PRKG2: variants seen among roughly 807,000 people sequenced by gnomAD.
PRKG2 encodes the protein cGMP-dependent protein kinase 2.
In PRKG2, 33 loss-of-function variants were observed where a neutral mutation model predicts 97.2. The ratio of observed to expected loss-of-function variants is 0.34; its 90% confidence interval spans 0.26 to 0.45. The LOEUF (loss-of-function observed/expected upper bound fraction) is 0.45, where lower values mean the gene tolerates loss of function less well. PRKG2 is among the 20% of genes least tolerant of loss of function. The probability of loss-of-function intolerance (pLI) is 1.00; values close to 1 mark genes in which losing one functional copy is unlikely to be tolerated. For missense variants in PRKG2, 638 were observed against 900.0 expected (o/e 0.71, Z 3.73); for synonymous variants, 330 against 321.8 (o/e 1.03, Z -0.27).
chr4:81,159,418 C>T (rs1402835477), intron 6 of PRKG2, among the ~76,000 whole-genome samples: 2 of 152,180 alleles, frequency 1.3e-5, no homozygotes, highest in African/African-American at 4.8e-5. Context: ...GATACCATTT[C>T]ACACCAGTTA....
chr4:81,154,593 G>T (rs1748816682), intron 6 of PRKG2, among the ~76,000 whole-genome samples: 1 of 147,660 alleles, frequency 6.8e-6, no homozygotes, highest in Admixed American at 6.6e-5. Flanking sequence ...AAACAGAAAG[G>T]ACATCCACAG....
At chr4:81,094,063 G>A (rs1741874392) in intron 17 of PRKG2, among the ~76,000 whole-genome samples, 1 of 152,134 alleles carries the variant, frequency 6.6e-6, no homozygotes, top group Admixed American at 6.6e-5. Flanking sequence ...ATATCTGCAA[G>A]GTGCAGTAAG....
intron 2 of PRKG2, chr4:81,176,123 G>A (rs930267247): frequency 5.9e-5 from 9 of 152,024 alleles, no homozygotes; most frequent in Non-Finnish European, 2.9e-5. Flanking sequence ...ATGAAGTCTT[G>A]TACAAAGAAA....
intron 2 of PRKG2, among the ~76,000 whole-genome samples, chr4:81,191,236 C>T (rs28508156): frequency 0.23 from 34,747 of 152,018 alleles, 7,872 homozygotes; most frequent in African/African-American, 0.58. Flanking sequence ...ATATACACCA[C>T]GGAATACTAT....
At chr4:81,125,395 T>C (rs1041725047) in intron 14 of PRKG2, among the ~76,000 whole-genome samples, 6 of 152,214 alleles carry the variant, frequency 3.9e-5, no homozygotes, top group Admixed American at 3.3e-4. Flanking sequence ...ATGCAGAAGA[T>C]ACTCTTCTGT....
intron 14 of PRKG2, among the ~76,000 whole-genome samples, chr4:81,129,984 C>A (rs1002130051): frequency 1.3e-5 from 2 of 152,072 alleles, no homozygotes; most frequent in Non-Finnish European, 2.9e-5. Flanking sequence ...TTTTCCTTCC[C>A]ATATTTAGTG....
chr4:81,100,899 G>A (rs1485590356), intron 17 of PRKG2, among the ~76,000 whole-genome samples: 1 of 152,142 alleles, frequency 6.6e-6, no homozygotes, highest in African/African-American at 2.4e-5. Context: ...TCAACAAGTG[G>A]GCGAAGGATA....
At chr4:81,185,504 T>C (rs893206793) in intron 2 of PRKG2, among the ~76,000 whole-genome samples, 1 of 152,144 alleles carries the variant, frequency 6.6e-6, no homozygotes. Context: ...GAGAAACCAG[T>C]ACCAGCCACT....
chr4:81,111,939 T>C (rs963613355), intron 14 of PRKG2, among the ~76,000 whole-genome samples: 8 of 152,188 alleles, frequency 5.3e-5, no homozygotes, highest in African/African-American at 1.9e-4. Context: ...TCACATAGCC[T>C]TTCTCAATAA....
At chr4:81,183,477 CA>C (rs1751599219) in intron 2 of PRKG2, among the ~76,000 whole-genome samples, 4 of 152,176 alleles carry the variant, frequency 2.6e-5, no homozygotes, top group Admixed American at 2.6e-4. Context: ...ACGCTTTTCC[CA>C]TGGTCTTCAC....
At chr4:81,104,663 A>G (rs1743151661) in intron 16 of PRKG2, among the ~76,000 whole-genome samples, 1 of 151,208 alleles carries the variant, frequency 6.6e-6, no homozygotes, top group Non-Finnish European at 1.5e-5. Flanking sequence ...TTCGGAGTGT[A>G]TATATATATA....
At chr4:81,158,624 G>C (rs901023368) in intron 6 of PRKG2, among the ~76,000 whole-genome samples, 9 of 151,972 alleles carry the variant, frequency 5.9e-5, no homozygotes, top group Non-Finnish European at 1.3e-4. Flanking sequence ...AACCAAAAAA[G>C]AGCCCGCATC....
chr4:81,152,089 C>A (rs1324578905), intron 7 of PRKG2, 35 bp from the exon 8 acceptor site: 2 of 1,508,042 alleles, frequency 1.3e-6, no homozygotes, highest in Admixed American at 1.9e-5. Flanking sequence ...CAGAAAGAGA[C>A]TGAAGAAAAA....
chr4:81,146,035 C>T (rs766389527), intron 9 of PRKG2, among the ~76,000 whole-genome samples: 120 of 152,130 alleles, frequency 7.9e-4, no homozygotes, highest in Non-Finnish European at 1.6e-3. Flanking sequence ...TATGGACTGA[C>T]CTTTGTCGAC....
Position 81,167,219 on chromosome 4 carries a change from G to A in PRKG2, c.854C>T (p.Ser285Phe), listed in dbSNP as rs1328348075. ...EQYRNFLRSVSLLKNLPEDKL... is the reference protein window; with the variant it reads ...EQYRNFLRSVFLLKNLPEDKL... ...ATCTTCAGGTAAATTCTTCAGCAAG[G>A]ATACACTTCAAAATTAAAAAGAAAC... Residue 285 changes from serine to phenylalanine, a missense_variant, in exon 6 of 19, where the codon TCC (serine) becomes TTC (phenylalanine). Ser to Phe is a radical substitution (Grantham distance 155). Around this residue, in one of 3 missense-constraint regions of PRKG2, gnomAD observed 332 missense variants for 421.7 expected, o/e 0.79. Coordinates refer to ENST00000264399, the MANE Select transcript of PRKG2 (RefSeq NM_006259.3). 2.5e-6 allele frequency: 4 copies of A among 1,585,134 alleles called. No individual in the cohort carries two copies. The South Asian group carries it at 3.5e-5, about 14-fold the overall frequency.
chr4:81,092,357 AT>A, intron 18 of PRKG2, 28 bp downstream of exon 18: 1 of 1,447,290 alleles, frequency 6.9e-7, no homozygotes, highest in Non-Finnish European at 9.4e-7. Context: ...TGGGAAAAAA[AT>A]AAAAAAGTAA....
chr4:81,196,210 C>T (rs1450894753), intron 2 of PRKG2, among the ~76,000 whole-genome samples: 1 of 152,142 alleles, frequency 6.6e-6, no homozygotes, highest in Non-Finnish European at 1.5e-5. Context: ...ATTTGGCCAA[C>T]AATCACGTAA....
At position 81,133,659 on chromosome 4, in the gene PRKG2, A is replaced by C. The variant is rs565640864; in HGVS notation, c.1776+1496T>G. Among the ~76,000 whole-genome samples, 3 of 152,314 alleles carry C rather than the reference A, an allele frequency of 2.0e-5. No homozygotes were observed. The South Asian group carries it at 6.2e-4, about 32-fold the overall frequency. ...TACATAGTTTAATTCATAGCTAGAA[A>C]TTGAAATATTTAATATTCACTTTTT... On this transcript the variant is annotated intron_variant, in intron 14 of 18. Coordinates refer to ENST00000264399, the MANE Select transcript of PRKG2 (RefSeq NM_006259.3).
At chr4:81,198,690 C>A (rs1213854478) in intron 2 of PRKG2, among the ~76,000 whole-genome samples, 1 of 152,146 alleles carries the variant, frequency 6.6e-6, no homozygotes, top group African/African-American at 2.4e-5. Context: ...TGAATGACCC[C>A]AAGCTTTAAT....
Sources: gnomAD v4.1 joint callset for allele counts (sites outside exome capture counted in the v4.1 genomes callset) on GRCh38, gnomAD v4.1.1 for gene constraint, gnomAD v4.1.1 regional missense constraint, MANE v1.5 for transcripts, NCBI Gene and HGNC (gene_info 2026-07-23, HGNC 2026-07-21) for gene names.